Variants in SLC44A5 observed in about 807,000 individuals in gnomAD.
SLC44A5 encodes choline transporter-like protein 5.
Under a neutral mutation model 101.8 loss-of-function variants are expected in SLC44A5, and 57 were observed. The observed-to-expected ratio is 0.56, with a 90% CI of 0.45 to 0.70. The LOEUF (loss-of-function observed/expected upper bound fraction) is 0.70, where lower values mean the gene tolerates loss of function less well. SLC44A5 is among the 30% of genes least tolerant of loss of function. The pLI is 0.00. For synonymous variants in SLC44A5, 281 were observed against 290.9 expected, an observed-to-expected ratio of 0.97 and a Z score of 0.35; for missense variants, 737 against 853.1, an observed-to-expected ratio of 0.86 and a Z score of 1.70.
At chr1:75,680,167 G>A in the SLC44A5 span, among the ~76,000 whole-genome samples, 2 of 151,926 alleles carry the variant, frequency 1.3e-5, no homozygotes, top group African/African-American at 2.4e-5. Context: ...ATAATGGGAG[G>A]CTTTAACACC....
chr1:75,429,684 G>A (rs912952099), intron 2 of SLC44A5, among the ~76,000 whole-genome samples: 1 of 152,086 alleles, frequency 6.6e-6, no homozygotes, highest in Admixed American at 6.6e-5. Context: ...GAAGATGAAG[G>A]GGAACATGTG....
At chr1:75,603,918 T>A (rs1675166312) in intron 1 of SLC44A5, among the ~76,000 whole-genome samples, 1 of 152,018 alleles carries the variant, frequency 6.6e-6, no homozygotes, top group Admixed American at 6.6e-5. Flanking sequence ...ATATTAGACC[T>A]CTGTCAGATG....
intron 3 of SLC44A5, among the ~76,000 whole-genome samples, chr1:75,350,623 G>T (rs983446829): frequency 6.6e-6 from 1 of 151,476 alleles, no homozygotes; most frequent in East Asian, 1.9e-4. Context: ...GACTGGGCCT[G>T]GTGGCTCACG....
At chr1:75,239,648 G>A (rs1196501407) in intron 9 of SLC44A5, among the ~76,000 whole-genome samples, 2 of 151,904 alleles carry the variant, frequency 1.3e-5, no homozygotes, top group African/African-American at 4.8e-5. Flanking sequence ...TGGCAAATTT[G>A]ACACAGTAGC....
At chr1:75,545,157 T>G (rs190118853) in intron 1 of SLC44A5, among the ~76,000 whole-genome samples, 8 of 152,290 alleles carry the variant, frequency 5.3e-5, no homozygotes, top group Admixed American at 5.2e-4. Context: ...GGTTTCCAGT[T>G]TCATCCATGT....
the SLC44A5 span, among the ~76,000 whole-genome samples, chr1:75,676,161 G>A: frequency 6.6e-6 from 1 of 152,090 alleles, no homozygotes; most frequent in Non-Finnish European, 1.5e-5. Context: ...AACTAGAACT[G>A]GAAATACCGT....
At chr1:75,479,121 G>A (rs1445451799) in intron 2 of SLC44A5, among the ~76,000 whole-genome samples, 4 of 152,148 alleles carry the variant, frequency 2.6e-5, no homozygotes, top group African/African-American at 7.2e-5. Context: ...TCAACTACAT[G>A]GAAACTGAAC....
At chr1:75,613,148 G>A (rs984191864), upstream of SLC44A5, among the ~76,000 whole-genome samples, 1 of 152,194 alleles carries the variant, frequency 6.6e-6, no homozygotes, top group Non-Finnish European at 1.5e-5. Flanking sequence ...AAGATCCGAC[G>A]AATGATCTCT....
intron 2 of SLC44A5, among the ~76,000 whole-genome samples, chr1:75,475,393 A>G (rs1320951861): frequency 6.6e-6 from 1 of 152,250 alleles, no homozygotes; most frequent in Non-Finnish European, 1.5e-5. Context: ...CCTCTTGGGA[A>G]GAACCAACCC....
the SLC44A5 span, among the ~76,000 whole-genome samples, chr1:75,651,207 G>T: frequency 4.6e-5 from 7 of 152,090 alleles, no homozygotes; most frequent in African/African-American, 2.4e-5. Flanking sequence ...ATGCTAAATT[G>T]TGTACCTAAA....
chr1:75,637,896 A>G, the SLC44A5 span, among the ~76,000 whole-genome samples: 3 of 152,128 alleles, frequency 2.0e-5, no homozygotes, highest in Admixed American at 6.6e-5. Flanking sequence ...CCTCTTCCAA[A>G]AAGATATTAA....
At chr1:75,501,439 C>A (rs887113256) in intron 2 of SLC44A5, among the ~76,000 whole-genome samples, 4 of 152,158 alleles carry the variant, frequency 2.6e-5, no homozygotes, top group Admixed American at 2.0e-4. Context: ...CCATAATTTG[C>A]ACAAAACTAA....
At chr1:75,679,918 A>T in the SLC44A5 span, among the ~76,000 whole-genome samples, 1 of 152,208 alleles carries the variant, frequency 6.6e-6, no homozygotes, top group Non-Finnish European at 1.5e-5. Flanking sequence ...ATGGAGGAAG[A>T]TCTACCAAGC....
At chr1:75,263,198 A>T (rs138371301) in intron 6 of SLC44A5, among the ~76,000 whole-genome samples, 255 of 152,332 alleles carry the variant, frequency 1.7e-3, no homozygotes, top group African/African-American at 5.8e-3. Context: ...CAAGCAACCG[A>T]CAGAATGGGA....
chr1:75,355,343 T>C (rs575060448), intron 3 of SLC44A5, among the ~76,000 whole-genome samples: 21 of 152,336 alleles, frequency 1.4e-4, no homozygotes, highest in South Asian at 8.3e-4. Flanking sequence ...TCTAACACTA[T>C]GTTTTTGACT....
intron 2 of SLC44A5, among the ~76,000 whole-genome samples, chr1:75,470,691 G>A (rs1667058646): frequency 6.6e-6 from 1 of 151,902 alleles, no homozygotes; most frequent in African/African-American, 2.4e-5. Context: ...ATTTGAAGCA[G>A]AGGAAATGGA....
intron 5 of SLC44A5, among the ~76,000 whole-genome samples, chr1:75,278,038 C>CA (rs1195002408): frequency 2.0e-5 from 3 of 152,028 alleles, no homozygotes; most frequent in Non-Finnish European, 2.9e-5. Context: ...ATGGAACATC[C>CA]AAAACTATGC....
chr1:75,259,753 G>A (rs1470441387), intron 6 of SLC44A5, among the ~76,000 whole-genome samples: 1 of 152,042 alleles, frequency 6.6e-6, no homozygotes, highest in African/African-American at 2.4e-5. Flanking sequence ...TTGAAATAAA[G>A]GAAAAAATAT....
chr1:75,430,374 T>A (rs567960205), intron 2 of SLC44A5, among the ~76,000 whole-genome samples: 5 of 152,270 alleles, frequency 3.3e-5, no homozygotes, highest in South Asian at 4.1e-4. Context: ...CCTCCAGAAC[T>A]GTGAAAAATA....
Sources: gnomAD v4.1 joint callset for allele counts (sites outside exome capture counted in the v4.1 genomes callset) on GRCh38, gnomAD v4.1.1 for gene constraint, MANE v1.5 for transcripts, NCBI Gene and HGNC (gene_info 2026-07-23, HGNC 2026-07-21) for gene names.